Variants in CDH18 observed in about 807,000 individuals in gnomAD.
CDH18 encodes cadherin-18.
A neutral mutation model predicts 67.9 loss-of-function variants in CDH18; 31 were observed. The observed-to-expected ratio is 0.46, with a 90% CI of 0.34 to 0.62. The LOEUF is 0.62. Among genes scored for constraint, CDH18 ranks in the 20% least tolerant of loss-of-function variants. The pLI, the probability that CDH18 is intolerant of heterozygous loss-of-function variation, is 0.01. For missense variants in CDH18, 890 were observed against 975.5 expected (o/e 0.91, Z 1.17); for synonymous variants, 362 against 347.2 (o/e 1.04, Z -0.48).
At position 20,065,172 on chromosome 5, in the gene CDH18, A is replaced by T. The variant is rs1260791715; in HGVS notation, c.-517-73158T>A. Among the ~76,000 whole-genome samples, 4 of 151,860 alleles carry T rather than the reference A, an allele frequency of 2.6e-5. 1 individual carries two copies. The South Asian group carries it at 6.2e-4, about 24-fold the overall frequency. On this transcript the variant is annotated intron_variant, in intron 2 of 14. Transcript: ENST00000507958. ...TTTCCATTTTTTTCTACTTATTATA[A>T]GTTAAGTTTAAAAAAATGGCTCTCG...
At chr5:19,611,949 CGTGTGTGTGTGTGTGTGT>C (rs3062879) in intron 6 of CDH18, among the ~76,000 whole-genome samples, 2 of 139,014 alleles carry the variant, frequency 1.4e-5, no homozygotes, top group African/African-American at 5.3e-5. Flanking sequence ...TTGGATGATG[CGTGTGTGTGTGTGTGTGT>C]GTGTGTGTGT....
At chr5:19,568,552 T>C (rs1265314593) in intron 8 of CDH18, among the ~76,000 whole-genome samples, 3 of 152,188 alleles carry the variant, frequency 2.0e-5, no homozygotes, top group Non-Finnish European at 4.4e-5. Flanking sequence ...ATGATAATTC[T>C]TCTTAGCAGC....
At chr5:19,504,125 T>G (rs1743703666) in intron 10 of CDH18, among the ~76,000 whole-genome samples, 1 of 152,096 alleles carries the variant, frequency 6.6e-6, no homozygotes, top group Non-Finnish European at 1.5e-5. Context: ...CCCATTAGTT[T>G]GTCAGAAAGA....
intron 8 of CDH18, among the ~76,000 whole-genome samples, chr5:19,551,188 G>C (rs1348593162): frequency 6.6e-6 from 1 of 152,084 alleles, no homozygotes; most frequent in Non-Finnish European, 1.5e-5. Context: ...ATTAGGGTGA[G>C]GGATGGGCCA....
intron 1 of CDH18, among the ~76,000 whole-genome samples, chr5:20,256,252 G>T (rs1179540188): frequency 2.6e-5 from 4 of 152,014 alleles, no homozygotes; most frequent in Admixed American, 2.0e-4. Context: ...AAACTAAGAG[G>T]TAAAAATGTG....
intron 2 of CDH18, among the ~76,000 whole-genome samples, chr5:19,923,956 G>A (rs1579619725): frequency 6.6e-6 from 1 of 152,294 alleles, no homozygotes. Flanking sequence ...GGCAATCAGA[G>A]GAGCTGTACT....
intron 2 of CDH18, among the ~76,000 whole-genome samples, chr5:20,097,668 G>A (rs1263352984): frequency 6.6e-6 from 1 of 152,022 alleles, no homozygotes; most frequent in Non-Finnish European, 1.5e-5. Flanking sequence ...TTATTTCCGT[G>A]ATTAAATTGT....
intron 8 of CDH18, among the ~76,000 whole-genome samples, chr5:19,547,182 C>A (rs1736478290): frequency 6.6e-6 from 1 of 152,144 alleles, no homozygotes; most frequent in Admixed American, 6.5e-5. Flanking sequence ...GAGGGTTGAA[C>A]TGGTTAGGAA....
At chr5:19,944,962 A>G (rs1260874515) in intron 2 of CDH18, among the ~76,000 whole-genome samples, 2 of 152,126 alleles carry the variant, frequency 1.3e-5, no homozygotes, top group African/African-American at 2.4e-5. Flanking sequence ...CATCAGCACC[A>G]AAATAAAAAC....
intron 6 of CDH18, among the ~76,000 whole-genome samples, chr5:19,599,264 G>T (rs1019509133): frequency 6.6e-6 from 1 of 152,018 alleles, no homozygotes; most frequent in Non-Finnish European, 1.5e-5. Context: ...CATGGATCAT[G>T]AATCTAGTTG....
At chr5:20,190,489 C>T (rs541002448) in intron 2 of CDH18, among the ~76,000 whole-genome samples, 3 of 152,202 alleles carry the variant, frequency 2.0e-5, no homozygotes, top group East Asian at 1.9e-4. Context: ...CAGCTTCCCC[C>T]TCACTATATC....
intron 7 of CDH18, 34 bp from the exon 8 acceptor site, chr5:19,571,866 T>G: frequency 6.5e-7 from 1 of 1,545,972 alleles, no homozygotes; most frequent in Non-Finnish European, 8.8e-7. Context: ...ATGACTTTTA[T>G]AAAAAAAGTC....
At chr5:20,356,753 C>CTCTCTCTATA (rs1228584814) in intron 1 of CDH18, among the ~76,000 whole-genome samples, 2 of 121,554 alleles carry the variant, frequency 1.6e-5, no homozygotes, top group African/African-American at 6.3e-5. Context: ...CTCTCTCTCT[C>CTCTCTCTATA]TATATATATA....
At chr5:20,227,041 T>G (rs756027608) in intron 2 of CDH18, among the ~76,000 whole-genome samples, 29 of 152,104 alleles carry the variant, frequency 1.9e-4, no homozygotes, top group Non-Finnish European at 3.5e-4. Context: ...CACAATAGCT[T>G]GCCCATTTTC....
rs79103682 is a variant in CDH18, at chr5:20,452,680, T to C, written c.-580+122782A>G. 8.2e-3 allele frequency among the ~76,000 whole-genome samples: 1,249 copies of C among 152,108 alleles called. 13 individuals are homozygous for C. The highest frequency in any genetic ancestry group is 0.027 in the African/African-American group (1,118 of 41,518). On this transcript the variant is annotated intron_variant, in intron 1 of 14. Transcript: ENST00000507958. ...TGTATGAGGCTTAGTACCTGAGTGA[T>C]GAAATAATCTGCAAAACAAACCCCT... is the stretch of plus-strand genomic sequence containing the variant.
chr5:20,223,540 G>T (rs1741389587), intron 2 of CDH18, among the ~76,000 whole-genome samples: 1 of 151,962 alleles, frequency 6.6e-6, no homozygotes, highest in African/African-American at 2.4e-5. Context: ...GAAATGTGAG[G>T]GCATGAAATT....
chr5:19,915,549 C>T (rs539241326), intron 2 of CDH18, among the ~76,000 whole-genome samples: 2 of 152,078 alleles, frequency 1.3e-5, no homozygotes, highest in South Asian at 4.1e-4. Context: ...TAAATTAACA[C>T]ATTTTTGAAT....
chr5:20,539,672 G>A (rs1176132440), intron 1 of CDH18, among the ~76,000 whole-genome samples: 3 of 151,210 alleles, frequency 2.0e-5, no homozygotes, highest in Admixed American at 6.6e-5. Context: ...TTTATTTTAG[G>A]TAAGATAGTT....
At chr5:19,989,818 G>A (rs1799880660), upstream of CDH18, among the ~76,000 whole-genome samples, 1 of 152,188 alleles carries the variant, frequency 6.6e-6, no homozygotes, top group African/African-American at 2.4e-5. Flanking sequence ...GGAGCAATGA[G>A]GTAGAACAGG....
Sources: allele counts gnomAD v4.1 joint callset (sites outside exome capture counted in the v4.1 genomes callset), GRCh38; gene constraint gnomAD v4.1.1; transcripts MANE v1.5; gene names NCBI Gene and HGNC (gene_info 2026-07-23, HGNC 2026-07-21).